The following TMEM131L variants were observed in gnomAD, a reference collection of about 807,000 sequenced individuals.
TMEM131L encodes transmembrane protein 131-like.
In TMEM131L, 54 loss-of-function variants were observed where a neutral mutation model predicts 192.2. That is an observed-to-expected ratio of 0.28 (90% CI 0.23 to 0.35). The LOEUF (loss-of-function observed/expected upper bound fraction) is 0.35, where lower values mean the gene tolerates loss of function less well. Ranked by LOEUF, TMEM131L falls within the 10% of genes least tolerant of loss-of-function variation. The pLI, the probability that TMEM131L is intolerant of heterozygous loss-of-function variation, is 1.00. For synonymous variants in TMEM131L, 701 were observed against 704.9 expected (o/e 0.99, Z 0.09); for missense variants, 1,888 against 1,972.9 (o/e 0.96, Z 0.82).
At position 153,635,548 on chromosome 4, in the gene TMEM131L, C is replaced by T. The variant is rs781159864; in HGVS notation, c.4534C>T (p.His1512Tyr). 6.2e-7 allele frequency: 1 copy of T among 1,614,178 alleles called. No individual in the cohort carries two copies. Among genetic ancestry groups the T allele is most frequent in the South Asian group, 1.1e-5 (1 of 91,082 alleles). ...ACCCAACATGCCTGCTGCCTGGGGA[C>T]ATGCCAGTTTCATCAGCTCTCCGGT... The part of the protein sequence containing the change: ...TPPNMPAAWG[H>Y]ASFISSPPYL... The change falls in exon 34 of 35, where the codon CAT becomes TAT. Residue 1512 changes from histidine to tyrosine, a missense_variant. His to Tyr is a moderately conservative substitution (Grantham distance 83). Transcript: ENST00000409959.
intron 3 of TMEM131L, among the ~76,000 whole-genome samples, chr4:153,483,934 A>G (rs567060310): frequency 6.6e-6 from 1 of 152,216 alleles, no homozygotes; most frequent in East Asian, 1.9e-4. Flanking sequence ...TACTTTTTGG[A>G]TGGATCCCAA....
chr4:153,497,663 G>A (rs1180632188), intron 3 of TMEM131L, among the ~76,000 whole-genome samples: 1 of 152,092 alleles, frequency 6.6e-6, no homozygotes, highest in Non-Finnish European at 1.5e-5. Flanking sequence ...CGAGGTTCAC[G>A]TATCTATTGC....
chr4:153,557,093 T>C lies in TMEM131L; in HGVS notation c.549+11T>C. 1 of 1,268,086 alleles carries C rather than the reference T, an allele frequency of 7.9e-7. No individual in the cohort carries two copies. Among genetic ancestry groups the C allele is most frequent in the Non-Finnish European group, 1.1e-6 (1 of 870,188 alleles). The allele number at this position is 1,268,086 out of a possible 1,614,324, so 78.6% of individuals were successfully genotyped here. On this transcript the variant is annotated intron_variant, in intron 6 of 34. Coordinates refer to ENST00000409959, the MANE Select transcript of TMEM131L (RefSeq NM_001131007.2). ...GTCCTTTCCTATCATGTGAGTAACT[T>C]TTTCCTTTTGTCACAACTTTGGTTG...
intron 15 of TMEM131L, among the ~76,000 whole-genome samples, chr4:153,588,337 GTT>G (rs35057989): frequency 8.2e-6 from 1 of 122,616 alleles, no homozygotes. Context: ...TTAAAGTATA[GTT>G]TTTTTTTTTT....
At chr4:153,600,112 C>T (rs1731730194) in intron 21 of TMEM131L, among the ~76,000 whole-genome samples, 1 of 152,074 alleles carries the variant, frequency 6.6e-6, no homozygotes, top group South Asian at 2.1e-4. Context: ...CGCCTATAAT[C>T]CCAGCACTTT....
At chr4:153,479,033 G>A (rs1434821452) in intron 3 of TMEM131L, among the ~76,000 whole-genome samples, 1 of 152,198 alleles carries the variant, frequency 6.6e-6, no homozygotes, top group Non-Finnish European at 1.5e-5. Context: ...TTCCCCAAAT[G>A]TAAAGGAAGC....
chr4:153,574,586 A>G (rs1729809892), intron 7 of TMEM131L, among the ~76,000 whole-genome samples: 1 of 152,184 alleles, frequency 6.6e-6, no homozygotes, highest in South Asian at 2.1e-4. Flanking sequence ...CCAGATGCAT[A>G]TGTTGGCATA....
intron 25 of TMEM131L, among the ~76,000 whole-genome samples, chr4:153,611,179 G>T (rs1732585990): frequency 6.6e-6 from 1 of 152,254 alleles, no homozygotes. Flanking sequence ...CAGGGGCAGG[G>T]CGGGCATTCA....
intron 3 of TMEM131L, among the ~76,000 whole-genome samples, chr4:153,499,178 C>T (rs374388311): frequency 6.6e-6 from 1 of 152,184 alleles, no homozygotes; most frequent in African/African-American, 2.4e-5. Context: ...TTCAGGGCTC[C>T]GAGGCTGCGC....
At chr4:153,522,354 A>G (rs188419628) in intron 3 of TMEM131L, among the ~76,000 whole-genome samples, 7 of 152,278 alleles carry the variant, frequency 4.6e-5, no homozygotes, top group African/African-American at 1.4e-4. Flanking sequence ...TGTGCAGATA[A>G]TAGGAGACTT....
At chr4:153,606,345 A>G (rs912951823) in intron 25 of TMEM131L, among the ~76,000 whole-genome samples, 5 of 152,228 alleles carry the variant, frequency 3.3e-5, no homozygotes, top group African/African-American at 1.2e-4. Context: ...TTCTTCTGTG[A>G]TCGCTTGTGC....
At chr4:153,538,312 T>C (rs1736497380) in intron 3 of TMEM131L, among the ~76,000 whole-genome samples, 1 of 152,028 alleles carries the variant, frequency 6.6e-6, no homozygotes, top group South Asian at 2.1e-4. Context: ...CTCATGGAGG[T>C]CCTTGTACGT....
chr4:153,612,023 C>CA (rs926898629), intron 25 of TMEM131L, among the ~76,000 whole-genome samples: 1 of 151,928 alleles, frequency 6.6e-6, no homozygotes, highest in African/African-American at 2.4e-5. Flanking sequence ...GGTGTCCCCC[C>CA]CCACCTTTTT....
At chr4:153,612,683 A>G (rs1018488546) in intron 26 of TMEM131L, among the ~76,000 whole-genome samples, 8 of 152,170 alleles carry the variant, frequency 5.3e-5, no homozygotes, top group Non-Finnish European at 1.0e-4. Flanking sequence ...TGACTAACAT[A>G]TTCCTTCTAT....
Position 153,593,824 on chromosome 4 carries a change from A to G in TMEM131L, c.1948A>G (p.Asn650Asp). The change falls in exon 19 of 35, where the codon AAT (asparagine) becomes GAT (aspartate). Residue 650 changes from asparagine (N) to aspartate (D), a missense_variant. Coordinates refer to ENST00000409959, the MANE Select transcript of TMEM131L (RefSeq NM_001131007.2). The stretch of plus-strand genomic sequence containing the variant: ...GTTTGGCACTGATATGCAGATGATT[A>G]ATTTCACAACTGGTGAATTCCAGCT... ...RWFGTDMQMI[N>D]FTTGEFQLTE... 6.2e-7 allele frequency: 1 copy of G among 1,613,470 alleles called. No homozygotes were observed. The highest frequency in any genetic ancestry group is 1.7e-4 in the Middle Eastern group (1 of 6,056).
intron 32 of TMEM131L, chr4:153,633,124 A>G (rs1301258986): frequency 3.5e-6 from 1 of 283,406 alleles, no homozygotes; most frequent in Non-Finnish European, 6.7e-6. Flanking sequence ...ATTTGAAAAA[A>G]AAACACTCAT....
chr4:153,556,001 C>T, intron 5 of TMEM131L, 91 bp downstream of exon 5: 1 of 1,298,892 alleles, frequency 7.7e-7, no homozygotes, highest in East Asian at 2.7e-5. Flanking sequence ...TTTCTGCTCC[C>T]TGTCTCCCGC....
chr4:153,522,094 G>A (rs1428391612), intron 3 of TMEM131L, among the ~76,000 whole-genome samples: 3 of 152,132 alleles, frequency 2.0e-5, no homozygotes, highest in African/African-American at 7.2e-5. Context: ...TCTTGGGTGT[G>A]AGAGGAACTG....
At chr4:153,504,312 G>A (rs1201905824) in intron 3 of TMEM131L, among the ~76,000 whole-genome samples, 12 of 82,986 alleles carry the variant, frequency 1.4e-4, no homozygotes, top group African/African-American at 5.3e-4. Flanking sequence ...ACAGAGTCTC[G>A]CCTGTTGCCC....
Sources: gnomAD v4.1 joint callset for allele counts (sites outside exome capture counted in the v4.1 genomes callset) on GRCh38, gnomAD v4.1.1 for gene constraint, MANE v1.5 for transcripts, NCBI Gene and HGNC (gene_info 2026-07-23, HGNC 2026-07-21) for gene names.